The following COL4A5 variants were observed in gnomAD, a reference collection of about 807,000 sequenced individuals.
COL4A5 encodes the protein collagen type IV alpha 5 chain.
COL4A5 carries 26 observed loss-of-function variants against 130.2 expected under a neutral mutation model. The observed-to-expected ratio is 0.20, with a 90% CI of 0.15 to 0.28. The LOEUF is 0.28. COL4A5 is among the 10% of genes least tolerant of loss of function. The pLI, the probability that COL4A5 is intolerant of heterozygous loss-of-function variation, is 1.00. For missense variants in COL4A5, 1,131 were observed against 1,344.3 expected (o/e 0.84, Z 2.48); for synonymous variants, 496 against 439.6 (o/e 1.13, Z -1.60).
chrX:108,545,372 T>A (rs1275658500), intron 2 of COL4A5, among the ~76,000 whole-genome samples: 1 of 111,891 alleles, frequency 8.9e-6, no homozygotes, highest in Non-Finnish European at 1.9e-5. Flanking sequence ...ATGTACCCAG[T>A]AGGCATTCAG....
chrX:108,470,588 G>A (rs1303335052), intron 1 of COL4A5, among the ~76,000 whole-genome samples: 1 of 111,542 alleles, frequency 9.0e-6, no homozygotes, highest in East Asian at 2.8e-4. Context: ...CTCCCATTTT[G>A]TAGGTTGTTT....
At chrX:108,686,407 A>G (rs2068546326) in intron 48 of COL4A5, among the ~76,000 whole-genome samples, 2 of 112,554 alleles carry the variant, frequency 1.8e-5, no homozygotes, top group Admixed American at 9.4e-5. Context: ...CAAATTTTCA[A>G]TATGTTGATT....
chrX:108,635,752 A>G (rs1334010481), intron 36 of COL4A5, among the ~76,000 whole-genome samples: 1 of 112,263 alleles, frequency 8.9e-6, no homozygotes, highest in Non-Finnish European at 1.9e-5. Context: ...TTTTTGGTCA[A>G]CTGATTTTCA....
chrX:108,463,358 A>C (rs1044377802), intron 1 of COL4A5, among the ~76,000 whole-genome samples: 1 of 111,572 alleles, frequency 9.0e-6, no homozygotes, highest in Non-Finnish European at 1.9e-5. Flanking sequence ...CTCAATGTTC[A>C]TTGAAAATAT....
intron 37 of COL4A5, among the ~76,000 whole-genome samples, chrX:108,656,645 A>G (rs1311883332): frequency 2.7e-5 from 3 of 111,577 alleles, no homozygotes; most frequent in Non-Finnish European, 3.8e-5. Context: ...CCAGTTCTCC[A>G]ATTGCCCATG....
chrX:108,565,806 G>GAGGC (rs2065958581), intron 4 of COL4A5, among the ~76,000 whole-genome samples: 1 of 111,431 alleles, frequency 9.0e-6, no homozygotes, highest in Admixed American at 9.5e-5. Context: ...TGCCTTGGAA[G>GAGGC]AGGCACTAAA....
chrX:108,540,279 ACT>A (rs1258707596), intron 2 of COL4A5, among the ~76,000 whole-genome samples: 3 of 110,386 alleles, frequency 2.7e-5, no homozygotes, highest in African/African-American at 9.9e-5. Flanking sequence ...AATCTGCCAA[ACT>A]CTGATTGGTC....
chrX:108,691,799 G>A (rs1276389036), intron 49 of COL4A5, among the ~76,000 whole-genome samples: 3 of 111,825 alleles, frequency 2.7e-5, no homozygotes, highest in African/African-American at 9.7e-5. Flanking sequence ...AATGGTTAAT[G>A]TTAGATCTCA....
chrX:108,560,460 T>G (rs2065883785), intron 3 of COL4A5, among the ~76,000 whole-genome samples: 1 of 112,605 alleles, frequency 8.9e-6, no homozygotes, highest in African/African-American at 3.2e-5. Flanking sequence ...AGTAATGTCA[T>G]TAATGACCTC....
Position 108,666,483 on chromosome X carries a change from C to T in COL4A5, c.3455-13C>T, listed in dbSNP as rs754757045. On this transcript the variant is annotated splice_polypyrimidine_tract_variant and intron_variant, in intron 38 of 52. Transcript: ENST00000328300. ...GGAAAACTGGGTGTAACCTGCTGTA[C>T]TCAATTTTTTAGGTGGTGGAGGTCA... The T allele has an allele frequency of 2.5e-6, 3 of 1,187,990 alleles. No individual in the cohort carries two copies. Among genetic ancestry groups the T allele is most frequent in the Middle Eastern group, 2.3e-4 (1 of 4,316 alleles).
intron 29 of COL4A5, among the ~76,000 whole-genome samples, chrX:108,612,276 A>G (rs760041547): frequency 1.8e-5 from 2 of 111,172 alleles, no homozygotes; most frequent in Non-Finnish European, 3.8e-5. Context: ...AAAAGGTTCA[A>G]TATTGTATTG....
At chrX:108,565,794 G>A (rs899919368) in intron 4 of COL4A5, among the ~76,000 whole-genome samples, 1 of 111,266 alleles carries the variant, frequency 9.0e-6, no homozygotes, top group African/African-American at 3.3e-5. Context: ...CAAATTTCAC[G>A]TTGCCTTGGA....
At chrX:108,615,930 T>C (rs1344814691) in intron 30 of COL4A5, among the ~76,000 whole-genome samples, 1 of 112,300 alleles carries the variant, frequency 8.9e-6, no homozygotes, top group African/African-American at 3.2e-5. Flanking sequence ...GCAGTAGATA[T>C]TTTGTTATTA....
At chrX:108,565,819 A>C (rs1463827398) in intron 4 of COL4A5, among the ~76,000 whole-genome samples, 1 of 111,420 alleles carries the variant, frequency 9.0e-6, no homozygotes, top group East Asian at 2.8e-4. Context: ...GCACTAAAGA[A>C]CTTTCTGGGG....
In COL4A5 at chrX:108,695,281, G is replaced by A. The variant is rs2148002228; in HGVS notation, c.4836G>A (p.Gly1612=). The part of the protein sequence containing the change: ...GYSFMMHTSA[G]AEGSGQALAS... Reference sequence around the variant, plus strand: ...GTCTTTTATAGCATACAAGTGCAGGGGCAGAAGGCTCAGGTCAAGCCCTAG... The same window carrying A: ...GTCTTTTATAGCATACAAGTGCAGGAGCAGAAGGCTCAGGTCAAGCCCTAG... Residue 1612 remains glycine, a synonymous_variant, in exon 52 of 53, where the codon GGG becomes GGA. Transcript: ENST00000328300. 1 of 1,211,143 alleles carries A rather than the reference G, an allele frequency of 8.3e-7. No homozygotes were observed. Among genetic ancestry groups the A allele is most frequent in the Non-Finnish European group, 1.1e-6 (1 of 895,388 alleles).
At chrX:108,530,107 T>G (rs1161650040) in intron 1 of COL4A5, among the ~76,000 whole-genome samples, 1 of 111,435 alleles carries the variant, frequency 9.0e-6, no homozygotes, top group Non-Finnish European at 1.9e-5. Context: ...TTATACATCC[T>G]GCAGTTATAC....
intron 43 of COL4A5, among the ~76,000 whole-genome samples, chrX:108,675,337 G>C (rs1381352398): frequency 9.0e-6 from 1 of 111,098 alleles, no homozygotes; most frequent in Non-Finnish European, 1.9e-5. Flanking sequence ...ACAGTGTTCT[G>C]ATAACTTTTA....
chrX:108,620,630 TAACA>T (rs2067022298), intron 31 of COL4A5, among the ~76,000 whole-genome samples: 1 of 111,967 alleles, frequency 8.9e-6, no homozygotes, highest in African/African-American at 3.2e-5. Flanking sequence ...TATTACTGTA[TAACA>T]AACAACCCCA....
At chrX:108,492,462 C>G (rs111672879) in intron 1 of COL4A5, among the ~76,000 whole-genome samples, 132 of 111,952 alleles carry the variant, frequency 1.2e-3, no homozygotes, top group African/African-American at 3.8e-3. Flanking sequence ...TTTGCTGCAT[C>G]ATAATATTCA....
Sources: allele counts gnomAD v4.1 joint callset (sites outside exome capture counted in the v4.1 genomes callset), GRCh38; gene constraint gnomAD v4.1.1; transcripts MANE v1.5; gene names NCBI Gene and HGNC (gene_info 2026-07-23, HGNC 2026-07-21).